HERC1: variants seen among roughly 807,000 people sequenced by gnomAD.
The protein encoded by HERC1 is probable E3 ubiquitin-protein ligase HERC1.
A neutral mutation model predicts 554.3 loss-of-function variants in HERC1; 160 were observed. That is an observed-to-expected ratio of 0.29 (90% CI 0.25 to 0.33). HERC1 has a LOEUF of 0.33. Ranked by LOEUF, HERC1 falls within the 10% of genes least tolerant of loss-of-function variation. The pLI, the probability that HERC1 is intolerant of heterozygous loss-of-function variation, is 1.00. For synonymous variants in HERC1, 2,175 were observed against 2,131.7 expected (o/e 1.02, Z -0.56); for missense variants, 4,919 against 5,918.5 (o/e 0.83, Z 5.54).
chr15:63,619,071 G>T (rs1222579084), intron 74 of HERC1, among the ~76,000 whole-genome samples: 2 of 152,094 alleles, frequency 1.3e-5, no homozygotes, highest in Non-Finnish European at 2.9e-5. Flanking sequence ...CCTCTCTTGT[G>T]CCAGTTTTCA....
chr15:63,786,292 AAAG>A (rs1051777479), intron 1 of HERC1, among the ~76,000 whole-genome samples: 20 of 150,664 alleles, frequency 1.3e-4, no homozygotes, highest in Non-Finnish European at 2.1e-4. Flanking sequence ...AAAAAAAAAA[AAAG>A]AAGAAGAAGA....
intron 1 of HERC1, among the ~76,000 whole-genome samples, chr15:63,800,019 A>C (rs907733717): frequency 2.6e-5 from 4 of 152,090 alleles, no homozygotes; most frequent in African/African-American, 9.7e-5. Flanking sequence ...CTGTAGTCCT[A>C]GCTACTGGGG....
In HERC1 at chr15:63,674,725, T is replaced by C. The variant is rs758046515; in HGVS notation, c.7463A>G (p.Asn2488Ser). 6.2e-7 allele frequency: 1 copy of C among 1,613,744 alleles called. No individual in the cohort carries two copies. Among genetic ancestry groups the C allele is most frequent in the Admixed American group, 1.7e-5 (1 of 59,982 alleles). The change falls in exon 38 of 78, where the codon AAT (asparagine) becomes AGT (serine). Residue 2488 changes from asparagine (N) to serine (S), a missense_variant. Asn to Ser is a conservative substitution (Grantham distance 46, BLOSUM62 1). Around this residue, in one of 11 missense-constraint regions of HERC1, gnomAD observed 1,963 missense variants for 2,228.6 expected, o/e 0.88. Coordinates refer to ENST00000443617, the MANE Select transcript of HERC1 (RefSeq NM_003922.4). ...QHQITEGKRKNHEHMSKNHDV... is the reference protein window; with the variant it reads ...QHQITEGKRKSHEHMSKNHDV... ...ATGGTTTTTGGACATGTGTTCATGATTTTTTCTTTTCCCTTCTGTTATTTG... is the reference window on the plus strand; with the variant it reads ...ATGGTTTTTGGACATGTGTTCATGACTTTTTCTTTTCCCTTCTGTTATTTG...
intron 33 of HERC1, among the ~76,000 whole-genome samples, chr15:63,687,372 T>TA (rs1238519620): frequency 2.0e-5 from 3 of 152,122 alleles, no homozygotes; most frequent in Non-Finnish European, 4.4e-5. Flanking sequence ...ACCCCGTCTC[T>TA]ACTAAAAATA....
At chr15:63,653,605 T>A (rs1476922314) in intron 51 of HERC1, among the ~76,000 whole-genome samples, 1 of 152,174 alleles carries the variant, frequency 6.6e-6, no homozygotes, top group African/African-American at 2.4e-5. Flanking sequence ...GCAGATAGAT[T>A]CCTTATAAAA....
chr15:63,795,705 C>A (rs1401341237), intron 1 of HERC1, among the ~76,000 whole-genome samples: 1 of 152,188 alleles, frequency 6.6e-6, no homozygotes, highest in Non-Finnish European at 1.5e-5. Flanking sequence ...TACTCGCCAG[C>A]AGTTCTGCCA....
intron 1 of HERC1, among the ~76,000 whole-genome samples, chr15:63,830,575 T>C (rs1289811730): frequency 3.3e-5 from 5 of 152,164 alleles, no homozygotes; most frequent in Admixed American, 2.6e-4. Flanking sequence ...GTAAAATCTA[T>C]AGTCAATAGA....
intron 6 of HERC1, 113 bp downstream of exon 6, chr15:63,755,116 C>A: frequency 2.8e-6 from 2 of 714,552 alleles, no homozygotes; most frequent in Admixed American, 2.3e-5. Context: ...TGAGCTTAAA[C>A]TAACAAAATA....
chr15:63,635,794 A>C (rs1349765201), intron 65 of HERC1, among the ~76,000 whole-genome samples, 167 bp downstream of exon 65: 1 of 152,194 alleles, frequency 6.6e-6, no homozygotes, highest in Non-Finnish European at 1.5e-5. Context: ...GCCTATTCAA[A>C]CTTCTGACAA....
At chr15:63,829,561 G>GTGTGTGTGTGTGTA (rs1220043639) in intron 1 of HERC1, among the ~76,000 whole-genome samples, 5 of 81,728 alleles carry the variant, frequency 6.1e-5, no homozygotes, top group South Asian at 3.8e-4. Flanking sequence ...GTGTGTGTGT[G>GTGTGTGTGTGTGTA]TATATATATA....
chr15:63,805,828 A>G (rs2077120656), intron 1 of HERC1, among the ~76,000 whole-genome samples: 3 of 151,872 alleles, frequency 2.0e-5, no homozygotes, highest in African/African-American at 7.3e-5. Context: ...CTGTGGTCCT[A>G]GCTACTTGGG....
At chr15:63,827,090 TGAA>T (rs1386861714) in intron 1 of HERC1, among the ~76,000 whole-genome samples, 1 of 150,994 alleles carries the variant, frequency 6.6e-6, no homozygotes, top group Non-Finnish European at 1.5e-5. Flanking sequence ...GATGAATGGT[TGAA>T]GAGGTTAAGA....
chr15:63,705,335 G>A (rs1428263419), intron 25 of HERC1, among the ~76,000 whole-genome samples: 1 of 151,146 alleles, frequency 6.6e-6, no homozygotes, highest in Non-Finnish European at 1.5e-5. Flanking sequence ...TTTCTTTTTG[G>A]CAGAGACAGG....
At position 63,718,254 on chromosome 15, in the gene HERC1, A is replaced by T. The variant is rs1232210738; in HGVS notation, c.3978+320T>A. Among the ~76,000 whole-genome samples, 1 of 152,148 alleles carries T rather than the reference A, an allele frequency of 6.6e-6. No individual in the cohort carries two copies. The highest frequency in any genetic ancestry group is 1.5e-5 in the Non-Finnish European group (1 of 68,034). Reference sequence around the variant, plus strand: ...GTCCCTCATAAATTATGGCACCCCAAATTAAACAGGATAATTCAAATGTGG... The same window carrying T: ...GTCCCTCATAAATTATGGCACCCCATATTAAACAGGATAATTCAAATGTGG... On this transcript the variant is annotated intron_variant, in intron 21 of 77. Transcript: ENST00000443617. The surrounding 1 kb of genome is among the most constrained non-coding windows in gnomAD (Gnocchi z 4.2).
At chr15:63,760,293 C>T (rs2075565164) in intron 3 of HERC1, among the ~76,000 whole-genome samples, 3 of 151,540 alleles carry the variant, frequency 2.0e-5, no homozygotes, top group Admixed American at 2.0e-4. Flanking sequence ...CCAACTCATT[C>T]TAAGAGTTCA....
At position 63,628,783 on chromosome 15, in the gene HERC1, T is replaced by G; in HGVS notation, c.12999A>C (p.Glu4333Asp). 2 of 1,613,962 alleles carry G rather than the reference T, an allele frequency of 1.2e-6. No homozygotes were observed. Among genetic ancestry groups the G allele is most frequent in the South Asian group, 2.2e-5 (2 of 91,076 alleles). ...CTTGCAGACCTGTTACCAGGGTTGG[T>G]TCTCGAACATGGTTGGTATGGCCTA... ...LGLGHTNHVREPTLVTGLQGK... is the reference protein window; with the variant it reads ...LGLGHTNHVRDPTLVTGLQGK... Residue 4333 changes from glutamate (E) to aspartate (D), a missense_variant, in exon 70 of 78, where the codon GAA (glutamate) becomes GAC (aspartate). Transcript: ENST00000443617.
At chr15:63,793,169 A>T (rs2076704883) in intron 1 of HERC1, among the ~76,000 whole-genome samples, 1 of 152,130 alleles carries the variant, frequency 6.6e-6, no homozygotes, top group Non-Finnish European at 1.5e-5. Context: ...TTGAGTAGGG[A>T]CTGTGTAAAA....
intron 12 of HERC1, among the ~76,000 whole-genome samples, chr15:63,740,907 C>T (rs1241242428): frequency 1.3e-5 from 2 of 152,128 alleles, no homozygotes; most frequent in African/African-American, 2.4e-5. Context: ...CTTTGAAGCA[C>T]AAATGTTTTT....
intron 74 of HERC1, among the ~76,000 whole-genome samples, chr15:63,620,651 G>A (rs1355075862): frequency 1.3e-5 from 2 of 152,008 alleles, no homozygotes; most frequent in Admixed American, 6.5e-5. Flanking sequence ...AGGTCACTAA[G>A]GACTTGGTTT....
Sources: gnomAD v4.1 joint callset for allele counts (sites outside exome capture counted in the v4.1 genomes callset) on GRCh38, gnomAD v4.1.1 for gene constraint, gnomAD v4.1.1 regional missense constraint, Gnocchi (gnomAD v3.1) non-coding constraint, MANE v1.5 for transcripts, NCBI Gene and HGNC (gene_info 2026-07-23, HGNC 2026-07-21) for gene names.